The following GSE1 variants were observed in gnomAD, a reference collection of about 807,000 sequenced individuals.
GSE1 encodes the protein Gse1 coiled-coil protein, also known as genetic suppressor element 1.
GSE1 carries 32 observed loss-of-function variants against 112.6 expected under a neutral mutation model. The observed-to-expected ratio is 0.28, with a 90% CI of 0.21 to 0.38. The LOEUF is 0.38. Among genes scored for constraint, GSE1 ranks in the 10% least tolerant of loss-of-function variants. The pLI is 1.00. For synonymous variants in GSE1, 1,115 were observed against 735.6 expected (o/e 1.52, Z -8.35); for missense variants, 2,348 against 1,699.2 (o/e 1.38, Z -6.71).
chr16:85,604,237 C>T (rs181944438), intron 1 of GSE1, among the ~76,000 whole-genome samples: 125 of 152,312 alleles, frequency 8.2e-4, no homozygotes, highest in African/African-American at 2.5e-3. Flanking sequence ...TTGCCTGTTC[C>T]GGGCATTTCA....
intron 2 of GSE1, among the ~76,000 whole-genome samples, chr16:85,530,289 G>C (rs1214141754): frequency 1.3e-5 from 2 of 152,240 alleles, no homozygotes; most frequent in Non-Finnish European, 2.9e-5. Flanking sequence ...CCCTGGGTAA[G>C]ATCAGAAAGG....
chr16:85,598,657 A>T (rs1171611224), intron 1 of GSE1, among the ~76,000 whole-genome samples: 1 of 152,208 alleles, frequency 6.6e-6, no homozygotes, highest in Admixed American at 6.5e-5. Flanking sequence ...GCAGGCCAAG[A>T]GGGGCTCCAG....
At chr16:85,202,635 T>C (rs1265274477) in intron 1 of GSE1, among the ~76,000 whole-genome samples, 1 of 152,144 alleles carries the variant, frequency 6.6e-6, no homozygotes, top group Non-Finnish European at 1.5e-5. Flanking sequence ...CCAGCATTCA[T>C]GGGGGACCCT....
chr16:85,200,986 G>A (rs1420271568), intron 1 of GSE1, among the ~76,000 whole-genome samples: 1 of 152,104 alleles, frequency 6.6e-6, no homozygotes, highest in Non-Finnish European at 1.5e-5. Flanking sequence ...CCTGGAGCAG[G>A]GCAGTGTCTA....
intron 2 of GSE1, among the ~76,000 whole-genome samples, chr16:85,535,298 C>T (rs2044286945): frequency 1.3e-5 from 2 of 152,364 alleles, no homozygotes; most frequent in Non-Finnish European, 2.9e-5. Flanking sequence ...TTACGGAGCC[C>T]TCGGGGAACG....
intron 2 of GSE1, among the ~76,000 whole-genome samples, chr16:85,510,953 A>G (rs1045499124): frequency 6.6e-6 from 1 of 152,254 alleles, no homozygotes; most frequent in Non-Finnish European, 1.5e-5. Flanking sequence ...AAACTGGGTC[A>G]AAAAGCACCC....
intron 12 of GSE1, among the ~76,000 whole-genome samples, chr16:85,665,708 C>G (rs1172039324): frequency 6.6e-6 from 1 of 152,262 alleles, no homozygotes; most frequent in Non-Finnish European, 1.5e-5. Flanking sequence ...TACCTCCATG[C>G]TGCCTCCGTG....
intron 1 of GSE1, among the ~76,000 whole-genome samples, chr16:85,202,553 G>T (rs2075047488): frequency 6.6e-6 from 1 of 152,244 alleles, no homozygotes; most frequent in Non-Finnish European, 1.5e-5. Context: ...CCCCCAGCCA[G>T]GCTGTGGGCT....
intron 2 of GSE1, among the ~76,000 whole-genome samples, chr16:85,383,101 C>G (rs1378974823): frequency 6.6e-6 from 1 of 151,798 alleles, no homozygotes; most frequent in African/African-American, 2.4e-5. Context: ...CACAAGCATG[C>G]CTGTGCACCC....
At position 85,600,920 on chromosome 16, in the gene GSE1, C is replaced by T. The variant is rs180833361; in HGVS notation, c.37+44557C>T. 5.3e-5 allele frequency among the ~76,000 whole-genome samples: 8 copies of T among 152,238 alleles called. No homozygotes were observed. In the East Asian group the frequency reaches 9.7e-4, roughly 18 times the overall value. On this transcript the variant is annotated intron_variant, in intron 1 of 2. Coordinates refer to the GSE1 transcript ENST00000635906. Reference sequence around the variant, plus strand: ...TCATTTAGCTCAGTCTCCTCTCCAACGGCTCAGCTCAGTGAGCGCCTGGAA... The same window carrying T: ...TCATTTAGCTCAGTCTCCTCTCCAATGGCTCAGCTCAGTGAGCGCCTGGAA...
At chr16:85,173,440 G>GT (rs1448024393) in intron 1 of GSE1, among the ~76,000 whole-genome samples, 4 of 152,214 alleles carry the variant, frequency 2.6e-5, no homozygotes, top group Non-Finnish European at 5.9e-5. Flanking sequence ...TGGGGGAAAT[G>GT]TAAGTTCCCC....
At chr16:85,272,143 A>G (rs1381643676) in intron 1 of GSE1, among the ~76,000 whole-genome samples, 1 of 152,238 alleles carries the variant, frequency 6.6e-6, no homozygotes, top group Non-Finnish European at 1.5e-5. Context: ...GTGCACACGC[A>G]GGCCCGAGGA....
Position 85,240,909 on chromosome 16 carries a change from AG to A in GSE1, c.2283+69103del, listed in dbSNP as rs572276751. ...GGAAGCAGAAACACGCCTTTCTGTA[AG>A]TCATGGAGAGATGTGTTCCCATCCT... On this transcript the variant is annotated intron_variant, in intron 1 of 2. Transcript: ENST00000637419. 1.1e-3 allele frequency among the ~76,000 whole-genome samples: 160 copies of A among 152,258 alleles called. 1 individual carries two copies. Among genetic ancestry groups the A allele is most frequent in the African/African-American group, 3.6e-3 (151 of 41,542 alleles).
chr16:85,262,602 G>T (rs1465048263), intron 1 of GSE1, among the ~76,000 whole-genome samples: 2 of 152,232 alleles, frequency 1.3e-5, no homozygotes, highest in African/African-American at 4.8e-5. Context: ...GGAGAAGGAC[G>T]CAAGGCCAGA....
intron 1 of GSE1, among the ~76,000 whole-genome samples, chr16:85,246,770 C>T (rs1008209101): frequency 6.6e-6 from 1 of 152,020 alleles, no homozygotes; most frequent in African/African-American, 2.4e-5. Flanking sequence ...GAAATGGGCA[C>T]CCTCTGGGGG....
At chr16:85,561,350 C>T (rs1244695325) in intron 1 of GSE1, among the ~76,000 whole-genome samples, 1 of 152,112 alleles carries the variant, frequency 6.6e-6, no homozygotes, top group Non-Finnish European at 1.5e-5. Context: ...CTCCAGAGTC[C>T]CTGCTTCATA....
rs112531114 is a variant in GSE1, at chr16:85,384,539, C to T, written c.2464+26896C>T. Among the ~76,000 whole-genome samples, 585 of 152,316 alleles carry T rather than the reference C, an allele frequency of 3.8e-3. 2 individuals are homozygous for T. Among genetic ancestry groups the T allele is most frequent in the Middle Eastern group, 0.014 (4 of 294 alleles). On this transcript the variant is annotated intron_variant, in intron 2 of 2. Coordinates refer to the GSE1 transcript ENST00000637419. ...AGCACCAGGCCTGTACACATGGTGCCGACTGGCATCATGAGGGAGGTTTCC... is the reference window on the plus strand; with the variant it reads ...AGCACCAGGCCTGTACACATGGTGCTGACTGGCATCATGAGGGAGGTTTCC...
intron 2 of GSE1, among the ~76,000 whole-genome samples, chr16:85,378,447 T>A (rs2047471742): frequency 6.6e-6 from 1 of 152,112 alleles, no homozygotes; most frequent in African/African-American, 2.4e-5. Flanking sequence ...AGCCTTTCAC[T>A]TAGGAGCTGT....
At chr16:85,427,836 A>G (rs2049028723) in intron 2 of GSE1, among the ~76,000 whole-genome samples, 1 of 152,224 alleles carries the variant, frequency 6.6e-6, no homozygotes, top group Non-Finnish European at 1.5e-5. Context: ...CGTCTCAAAA[A>G]TAAATAAATA....
Sources: gnomAD v4.1 joint callset for allele counts (sites outside exome capture counted in the v4.1 genomes callset) on GRCh38, gnomAD v4.1.1 for gene constraint, MANE v1.5 for transcripts, NCBI Gene and HGNC (gene_info 2026-07-23, HGNC 2026-07-21) for gene names.